Variants in NYAP2 observed in about 807,000 individuals in gnomAD.
The protein encoded by NYAP2 is neuronal tyrosine-phosphorylated phosphoinositide-3-kinase adaptor 2, also known as neuronal tyrosine-phosphorylated phosphoinositide-3-kinase adapter 2.
A neutral mutation model predicts 50.4 loss-of-function variants in NYAP2; 23 were observed. That is an observed-to-expected ratio of 0.46 (90% CI 0.33 to 0.65). The LOEUF (loss-of-function observed/expected upper bound fraction) is 0.65. Among genes scored for constraint, NYAP2 ranks in the 30% least tolerant of loss-of-function variants. The pLI, the probability that NYAP2 is intolerant of heterozygous loss-of-function variation, is 0.02. For missense variants in NYAP2, 885 were observed against 861.0 expected, an observed-to-expected ratio of 1.03 and a Z score of -0.35; for synonymous variants, 394 against 365.2, an observed-to-expected ratio of 1.08 and a Z score of -0.90.
chr2:225,630,835 T>C (rs1488935748), intron 6 of NYAP2, among the ~76,000 whole-genome samples: 2 of 152,220 alleles, frequency 1.3e-5, no homozygotes, highest in Non-Finnish European at 2.9e-5. Flanking sequence ...TTTACTGAGA[T>C]AGAGACTGTC....
At chr2:225,647,067 C>CT in intron 6 of NYAP2, among the ~76,000 whole-genome samples, 1 of 151,954 alleles carries the variant, frequency 6.6e-6, no homozygotes, top group East Asian at 1.9e-4. Context: ...GTTAGATAAT[C>CT]TTTTTTCATC....
At chr2:225,652,254 C>G (rs1252985565) in exon 7 of NYAP2, 1 of 152,126 alleles carries the variant, frequency 6.6e-6, no homozygotes, top group Admixed American at 6.5e-5. Flanking sequence ...ACAAAAACTG[C>G]AGATTAATAA....
intron 5 of NYAP2, among the ~76,000 whole-genome samples, chr2:225,584,734 C>A (rs1692361080): frequency 6.6e-6 from 1 of 152,164 alleles, no homozygotes; most frequent in Non-Finnish European, 1.5e-5. Context: ...ATGTTAGCTA[C>A]TTCAATAATT....
intron 6 of NYAP2, among the ~76,000 whole-genome samples, chr2:225,650,495 A>C (rs1386310564): frequency 6.6e-6 from 1 of 152,158 alleles, no homozygotes; most frequent in Non-Finnish European, 1.5e-5. Flanking sequence ...TTAGGCAAAG[A>C]CTGGATGTGG....
chr2:225,557,215 T>C (rs1691792898), intron 4 of NYAP2, among the ~76,000 whole-genome samples: 1 of 152,186 alleles, frequency 6.6e-6, no homozygotes. Flanking sequence ...AATCTTGCCA[T>C]TGTTTAAAGA....
chr2:225,573,680 T>C (rs1185016875), intron 4 of NYAP2, among the ~76,000 whole-genome samples: 1 of 152,208 alleles, frequency 6.6e-6, no homozygotes, highest in African/African-American at 2.4e-5. Flanking sequence ...GGTTGGAACG[T>C]TGAAGAATGC....
chr2:225,571,123 G>C (rs773572783), intron 4 of NYAP2, among the ~76,000 whole-genome samples: 6 of 152,214 alleles, frequency 3.9e-5, no homozygotes, highest in Non-Finnish European at 7.3e-5. Context: ...CCATGGCCTT[G>C]GGCAGCTCAG....
At chr2:225,598,480 G>A in intron 5 of NYAP2, among the ~76,000 whole-genome samples, 1 of 152,074 alleles carries the variant, frequency 6.6e-6, no homozygotes, top group East Asian at 1.9e-4. Flanking sequence ...GATTTGTGAA[G>A]TGTTGTTTCT....
At chr2:225,682,916 T>A in the NYAP2 span, among the ~76,000 whole-genome samples, 7 of 152,098 alleles carry the variant, frequency 4.6e-5, no homozygotes, top group Non-Finnish European at 7.4e-5. Flanking sequence ...GACTTAATAC[T>A]CTTGACAATG....
chr2:225,431,315 C>G (rs757809612), intron 3 of NYAP2, among the ~76,000 whole-genome samples: 11 of 152,134 alleles, frequency 7.2e-5, no homozygotes, highest in Non-Finnish European at 1.6e-4. Flanking sequence ...AACGGTAGAC[C>G]GTTGGCATTC....
intron 3 of NYAP2, among the ~76,000 whole-genome samples, chr2:225,500,053 G>T (rs1043068348): frequency 6.6e-5 from 10 of 152,204 alleles, no homozygotes; most frequent in Non-Finnish European, 1.5e-5. Flanking sequence ...ATTGTTAAGA[G>T]ATATTGAGTC....
chr2:225,432,243 G>A (rs939732390), intron 3 of NYAP2, among the ~76,000 whole-genome samples: 1 of 144,978 alleles, frequency 6.9e-6, no homozygotes, highest in African/African-American at 2.6e-5. Context: ...TGATCCACCC[G>A]CTTTAGCCTC....
At chr2:225,596,585 G>T (rs1287661493) in intron 5 of NYAP2, among the ~76,000 whole-genome samples, 3 of 152,046 alleles carry the variant, frequency 2.0e-5, no homozygotes, top group Non-Finnish European at 4.4e-5. Context: ...GTTTATATTT[G>T]TAGATTTATT....
At chr2:225,651,742 G>T in exon 7 of NYAP2, 1 of 686,710 alleles carries the variant, frequency 1.5e-6, no homozygotes, top group Non-Finnish European at 2.4e-6. Flanking sequence ...TGTGATTGGT[G>T]GTGAAACTTT....
chr2:225,695,831 A>G, the NYAP2 span, among the ~76,000 whole-genome samples: 1 of 151,924 alleles, frequency 6.6e-6, no homozygotes, highest in South Asian at 2.1e-4. Flanking sequence ...ATTTTATTTA[A>G]AAAGTGAATG....
At chr2:225,409,982 A>G (rs1009198350) in intron 3 of NYAP2, among the ~76,000 whole-genome samples, 3 of 152,202 alleles carry the variant, frequency 2.0e-5, no homozygotes, top group African/African-American at 7.2e-5. Context: ...TTTGATGGTT[A>G]ATTGGGAGAT....
At chr2:225,472,018 C>T (rs926078692) in intron 3 of NYAP2, among the ~76,000 whole-genome samples, 1 of 152,126 alleles carries the variant, frequency 6.6e-6, no homozygotes, top group East Asian at 1.9e-4. Flanking sequence ...CATTTAATCT[C>T]CCTACCATCC....
At chr2:225,699,607 T>A in the NYAP2 span, 4 of 151,942 alleles carry the variant, frequency 2.6e-5, no homozygotes, top group Non-Finnish European at 5.9e-5. Flanking sequence ...AAAATATGTA[T>A]TTCTTGTTAA....
intron 5 of NYAP2, among the ~76,000 whole-genome samples, chr2:225,610,467 G>C (rs1692862765): frequency 6.6e-6 from 1 of 152,122 alleles, no homozygotes; most frequent in South Asian, 2.1e-4. Context: ...CACATTGTGG[G>C]ATTAGGACTT....
Sources: gnomAD v4.1 joint callset for allele counts (sites outside exome capture counted in the v4.1 genomes callset) on GRCh38, gnomAD v4.1.1 for gene constraint, MANE v1.5 for transcripts, NCBI Gene and HGNC (gene_info 2026-07-23, HGNC 2026-07-21) for gene names.